GPC6: variants seen among roughly 807,000 people sequenced by gnomAD.
GPC6 encodes glypican 6.
A neutral mutation model predicts 55.2 loss-of-function variants in GPC6; 14 were observed. The observed-to-expected ratio is 0.25, with a 90% CI of 0.17 to 0.40. The LOEUF (loss-of-function observed/expected upper bound fraction) is 0.40. Among genes scored for constraint, GPC6 ranks in the 10% least tolerant of loss-of-function variants. The pLI, the probability that GPC6 is intolerant of heterozygous loss-of-function variation, is 1.00. For missense variants in GPC6, 641 were observed against 708.5 expected (o/e 0.90, Z 1.08); for synonymous variants, 278 against 259.6 (o/e 1.07, Z -0.68).
At chr13:94,195,262 T>G (rs1026208548) in intron 4 of GPC6, among the ~76,000 whole-genome samples, 2 of 152,186 alleles carry the variant, frequency 1.3e-5, no homozygotes, top group African/African-American at 4.8e-5. Flanking sequence ...TTAGGGCTTG[T>G]ATAAGACCTT....
chr13:94,166,012 G>T (rs550981542), intron 4 of GPC6, among the ~76,000 whole-genome samples: 1 of 152,212 alleles, frequency 6.6e-6, no homozygotes, highest in Non-Finnish European at 1.5e-5. Context: ...GCTTTAAAAA[G>T]TAGGGCACGT....
At chr13:93,450,609 C>A in intron 1 of GPC6, 1 of 241,476 alleles carries the variant, frequency 4.1e-6, no homozygotes, top group Non-Finnish European at 6.7e-6. Context: ...CTGCACTTTG[C>A]ATAGAAGAGA....
intron 4 of GPC6, among the ~76,000 whole-genome samples, chr13:94,276,086 C>T (rs1892193084): frequency 6.6e-6 from 1 of 152,150 alleles, no homozygotes; most frequent in South Asian, 2.1e-4. Context: ...AAGACTTTAT[C>T]CAACAGATTT....
intron 2 of GPC6, among the ~76,000 whole-genome samples, chr13:93,700,720 A>G (rs989581582): frequency 6.6e-6 from 1 of 152,130 alleles, no homozygotes; most frequent in African/African-American, 2.4e-5. Flanking sequence ...CCAGAGTTCA[A>G]TGAATAATTC....
intron 2 of GPC6, among the ~76,000 whole-genome samples, chr13:93,670,630 T>C (rs2139626280): frequency 6.6e-6 from 1 of 152,308 alleles, no homozygotes; most frequent in African/African-American, 2.4e-5. Flanking sequence ...TAATAATCAG[T>C]ATGAAAGCAA....
intron 6 of GPC6, among the ~76,000 whole-genome samples, chr13:94,324,739 C>T (rs1440014413): frequency 6.6e-5 from 10 of 151,048 alleles, no homozygotes; most frequent in Non-Finnish European, 1.5e-4. Flanking sequence ...AGATTTATGT[C>T]CACCCATTGT....
chr13:94,104,205 A>T (rs1885971511), intron 4 of GPC6, among the ~76,000 whole-genome samples: 1 of 152,170 alleles, frequency 6.6e-6, no homozygotes, highest in African/African-American at 2.4e-5. Context: ...GATGTGTGGT[A>T]TTATTTCTGA....
intron 3 of GPC6, among the ~76,000 whole-genome samples, chr13:93,935,111 G>C (rs1040902220): frequency 6.6e-6 from 1 of 151,994 alleles, no homozygotes; most frequent in Non-Finnish European, 1.5e-5. Flanking sequence ...ATGTGTTGTT[G>C]CTGGTTTTTT....
chr13:93,237,261 A>G (rs940475048), intron 1 of GPC6, among the ~76,000 whole-genome samples: 5 of 152,164 alleles, frequency 3.3e-5, no homozygotes, highest in African/African-American at 1.2e-4. Flanking sequence ...AATAATGGCC[A>G]TTCTGACTAG....
At chr13:93,996,955 G>C (rs1488727627) in intron 3 of GPC6, among the ~76,000 whole-genome samples, 1 of 152,128 alleles carries the variant, frequency 6.6e-6, no homozygotes, top group Non-Finnish European at 1.5e-5. Flanking sequence ...CTATCTGTTG[G>C]TGAAGCACAA....
chr13:93,578,472 T>C (rs1327592093), intron 2 of GPC6, among the ~76,000 whole-genome samples: 1 of 152,012 alleles, frequency 6.6e-6, no homozygotes, highest in Admixed American at 6.6e-5. Context: ...AGTTTTCAAA[T>C]TTGTTGGCAT....
chr13:94,369,121 T>C (rs1029754336), intron 6 of GPC6, among the ~76,000 whole-genome samples: 1 of 152,204 alleles, frequency 6.6e-6, no homozygotes, highest in Non-Finnish European at 1.5e-5. Flanking sequence ...CCTTTAAATA[T>C]TCATCATATT....
intron 4 of GPC6, among the ~76,000 whole-genome samples, chr13:94,189,935 C>A (rs769849063): frequency 4.1e-5 from 6 of 146,598 alleles, no homozygotes; most frequent in African/African-American, 1.5e-4. Flanking sequence ...GCAGGAGAAT[C>A]GCTTGAAACT....
intron 4 of GPC6, among the ~76,000 whole-genome samples, chr13:94,199,174 T>A (rs540648797): frequency 6.6e-6 from 1 of 152,346 alleles, no homozygotes; most frequent in Non-Finnish European, 1.5e-5. Context: ...GTGAAGAACT[T>A]TACTAGGCCT....
chr13:93,992,259 C>A (rs1394174550), intron 3 of GPC6, among the ~76,000 whole-genome samples: 1 of 151,168 alleles, frequency 6.6e-6, no homozygotes, highest in Non-Finnish European at 1.5e-5. Flanking sequence ...TATCAACATA[C>A]TTCTTTTTAT....
intron 2 of GPC6, among the ~76,000 whole-genome samples, chr13:93,680,457 G>T (rs1040579754): frequency 2.0e-5 from 3 of 152,158 alleles, no homozygotes; most frequent in African/African-American, 7.2e-5. Context: ...GGGAGATTCT[G>T]AGCAGAGGAA....
At chr13:93,895,152 C>T (rs1695190125) in intron 3 of GPC6, among the ~76,000 whole-genome samples, 1 of 147,978 alleles carries the variant, frequency 6.8e-6, no homozygotes, top group East Asian at 2.0e-4. Context: ...ATTTTCACCT[C>T]TAAGTCCATA....
chr13:94,149,366 AC>A (rs1447756407), intron 4 of GPC6, among the ~76,000 whole-genome samples: 1 of 152,170 alleles, frequency 6.6e-6, no homozygotes, highest in Admixed American at 6.5e-5. Flanking sequence ...TATTATTGGC[AC>A]CAGAAAAGTC....
intron 1 of GPC6, among the ~76,000 whole-genome samples, chr13:93,370,197 G>A (rs1345804392): frequency 6.6e-6 from 1 of 151,934 alleles, no homozygotes; most frequent in East Asian, 1.9e-4. Context: ...CCTAGAATTG[G>A]CATGCCCTTT....
Sources: gnomAD v4.1 joint callset for allele counts (sites outside exome capture counted in the v4.1 genomes callset) on GRCh38, gnomAD v4.1.1 for gene constraint, MANE v1.5 for transcripts, NCBI Gene and HGNC (gene_info 2026-07-23, HGNC 2026-07-21) for gene names.